Variants in TNR observed in about 807,000 individuals in gnomAD.
The protein encoded by TNR is tenascin R, also known as tenascin-R.
In TNR, 45 loss-of-function variants were observed where a neutral mutation model predicts 150.4. The observed-to-expected ratio is 0.30, with a 90% CI of 0.24 to 0.38. TNR has a LOEUF of 0.38. Ranked by LOEUF, TNR falls within the 10% of genes least tolerant of loss-of-function variation. TNR has a pLI of 1.00. For missense variants in TNR, 1,544 were observed against 1,759.1 expected (o/e 0.88, Z 2.19); for synonymous variants, 687 against 678.4 (o/e 1.01, Z -0.20).
At chr1:175,512,214 C>A (rs1204387046) in intron 2 of TNR, among the ~76,000 whole-genome samples, 3 of 152,162 alleles carry the variant, frequency 2.0e-5, no homozygotes, top group Non-Finnish European at 4.4e-5. Context: ...AGGAGGAGCA[C>A]CCTCTCCAAA....
intron 1 of TNR, among the ~76,000 whole-genome samples, chr1:175,591,308 G>A (rs1408494396): frequency 6.6e-6 from 1 of 152,202 alleles, no homozygotes; most frequent in African/African-American, 2.4e-5. Flanking sequence ...CTTGCTGGAT[G>A]AGCACAGCAA....
chr1:175,532,593 C>CA (rs1171098333), intron 1 of TNR, among the ~76,000 whole-genome samples: 4 of 152,156 alleles, frequency 2.6e-5, no homozygotes, highest in Admixed American at 2.6e-4. Flanking sequence ...CCCTAAAACT[C>CA]AGTGGTTGAA....
In TNR at chr1:175,623,309, G is replaced by A. The variant is rs116010333; in HGVS notation, c.-164-94940C>T. On this transcript the variant is annotated intron_variant, in intron 1 of 22. Transcript: ENST00000367674. ...ACACATTTCTCTATATACCTACACA[G>A]TATAATATATATCTAGTACCTGATA... Among the ~76,000 whole-genome samples the A allele has an allele frequency of 6.0e-3, 914 of 152,266 alleles. 10 individuals carry two copies. Among genetic ancestry groups the A allele is most frequent in the African/African-American group, 0.021 (874 of 41,536 alleles).
intron 2 of TNR, among the ~76,000 whole-genome samples, chr1:175,426,383 G>A (rs1654968921): frequency 6.6e-6 from 1 of 152,192 alleles, no homozygotes; most frequent in South Asian, 2.1e-4. Context: ...CACTGTAGGT[G>A]CTGTCGCTGC....
At chr1:175,574,297 A>T (rs1571625724) in intron 1 of TNR, among the ~76,000 whole-genome samples, 2 of 152,212 alleles carry the variant, frequency 1.3e-5, no homozygotes, top group Non-Finnish European at 2.9e-5. Context: ...AAATGAAAAG[A>T]CGTCCTGTCC....
chr1:175,377,112 T>C (rs1652426814), intron 9 of TNR, among the ~76,000 whole-genome samples: 1 of 152,066 alleles, frequency 6.6e-6, no homozygotes, highest in Admixed American at 6.5e-5. Flanking sequence ...CTTGTGAACT[T>C]GGGCAGGTTT....
At chr1:175,396,879 C>T in intron 4 of TNR, 72 bp from the exon 5 acceptor site, 2 of 1,548,640 alleles carry the variant, frequency 1.3e-6, no homozygotes, top group Non-Finnish European at 1.8e-6. Context: ...CAACTTTCTT[C>T]CTCACATCTC....
At chr1:175,381,890 C>T (rs138595134) in intron 8 of TNR, among the ~76,000 whole-genome samples, 100 of 152,302 alleles carry the variant, frequency 6.6e-4, no homozygotes, top group African/African-American at 2.1e-3. Context: ...TTATTCATTG[C>T]GCTCTAGCTA....
At chr1:175,707,831 A>C (rs1666882421) in intron 1 of TNR, among the ~76,000 whole-genome samples, 1 of 152,218 alleles carries the variant, frequency 6.6e-6, no homozygotes, top group Admixed American at 6.5e-5. Flanking sequence ...ATTATTTACT[A>C]AATTAAGTCG....
At chr1:175,740,782 C>T (rs2101962599) in intron 1 of TNR, among the ~76,000 whole-genome samples, 1 of 152,332 alleles carries the variant, frequency 6.6e-6, no homozygotes, top group South Asian at 2.1e-4. Flanking sequence ...ATCCTTGCCA[C>T]ATTCAGAGCC....
At chr1:175,495,750 T>C (rs1018394257) in intron 2 of TNR, among the ~76,000 whole-genome samples, 1 of 152,352 alleles carries the variant, frequency 6.6e-6, no homozygotes, top group African/African-American at 2.4e-5. Flanking sequence ...AACTTGTATA[T>C]TGAGGCAGAG....
In TNR at chr1:175,317,190, G is replaced by C. The variant is rs73032405; in HGVS notation, c.*6167C>G. 3 of 152,180 alleles carry C rather than the reference G, an allele frequency of 2.0e-5. No individual in the cohort carries two copies. Among genetic ancestry groups the C allele is most frequent in the Non-Finnish European group, 4.4e-5 (3 of 68,028 alleles). The allele number at this position is 152,180 out of a possible 1,614,324, so 9.4% of individuals were successfully genotyped here. A position where few individuals can be genotyped will look rare whatever the true frequency, so the allele number is the denominator to read the frequency against. ...TTGCACAGTATCTGGTAAATAGTGGGTATGCAATAAATGCTATTTATCTTA... is the reference window on the plus strand; with the variant it reads ...TTGCACAGTATCTGGTAAATAGTGGCTATGCAATAAATGCTATTTATCTTA... On this transcript the variant is annotated 3_prime_UTR_variant, in exon 23 of 23. Transcript: ENST00000367674.
intron 5 of TNR, among the ~76,000 whole-genome samples, chr1:175,394,709 A>AT (rs1653339563): frequency 6.6e-6 from 1 of 152,092 alleles, no homozygotes; most frequent in East Asian, 1.9e-4. Context: ...AAAAGGACAG[A>AT]TTTTCTCATC....
intron 1 of TNR, among the ~76,000 whole-genome samples, chr1:175,735,378 T>G (rs545042040): frequency 8.5e-5 from 13 of 152,330 alleles, no homozygotes; most frequent in Non-Finnish European, 1.8e-4. Flanking sequence ...CCACCACAGC[T>G]GACCTTGGTA....
intron 19 of TNR, 44 bp downstream of exon 19, chr1:175,337,484 C>A: frequency 6.2e-7 from 1 of 1,610,460 alleles, no homozygotes; most frequent in South Asian, 1.1e-5. Context: ...TAGACTAGAA[C>A]ACTGAGGACG....
intron 1 of TNR, among the ~76,000 whole-genome samples, chr1:175,715,896 G>A (rs1310410405): frequency 6.6e-6 from 1 of 152,288 alleles, no homozygotes; most frequent in East Asian, 1.9e-4. Context: ...TCTGGCGAGG[G>A]AGAGCTGGGA....
chr1:175,700,210 T>C (rs1251239379), intron 1 of TNR, among the ~76,000 whole-genome samples: 1 of 151,900 alleles, frequency 6.6e-6, no homozygotes, highest in Admixed American at 6.6e-5. Flanking sequence ...GGAGTCCCTG[T>C]CCCAGGAACA....
intron 9 of TNR, among the ~76,000 whole-genome samples, chr1:175,371,012 T>C (rs1287901788): frequency 6.6e-6 from 1 of 151,620 alleles, no homozygotes; most frequent in Non-Finnish European, 1.5e-5. Flanking sequence ...GCAGCTTTCT[T>C]CCATGCTACA....
At chr1:175,558,644 G>A (rs960237149) in intron 1 of TNR, among the ~76,000 whole-genome samples, 1 of 152,144 alleles carries the variant, frequency 6.6e-6, no homozygotes, top group Admixed American at 6.6e-5. Flanking sequence ...TTGATCCCAT[G>A]GGAGTTTTAC....
Sources: gnomAD v4.1 joint callset for allele counts (sites outside exome capture counted in the v4.1 genomes callset) on GRCh38, gnomAD v4.1.1 for gene constraint, MANE v1.5 for transcripts, NCBI Gene and HGNC (gene_info 2026-07-23, HGNC 2026-07-21) for gene names.